PSD3: variants seen among roughly 807,000 people sequenced by gnomAD.
PSD3 encodes PH and SEC7 domain-containing protein 3.
A neutral mutation model predicts 105.5 loss-of-function variants in PSD3; 49 were observed. The observed-to-expected ratio is 0.46, with a 90% CI of 0.37 to 0.59. The LOEUF (loss-of-function observed/expected upper bound fraction) is 0.59, where lower values mean the gene tolerates loss of function less well. PSD3 is among the 20% of genes least tolerant of loss of function. The pLI is 0.00. For missense variants in PSD3, 1,561 were observed against 1,263.8 expected, an observed-to-expected ratio of 1.24 and a Z score of -3.57; for synonymous variants, 557 against 457.8, an observed-to-expected ratio of 1.22 and a Z score of -2.77.
chr8:18,666,590 C>A (rs913187073), intron 9 of PSD3, among the ~76,000 whole-genome samples: 21 of 152,204 alleles, frequency 1.4e-4, no homozygotes, highest in African/African-American at 4.6e-4. Flanking sequence ...TCAAATATCT[C>A]GTAACAGATA....
chr8:18,664,615 G>C (rs1404278491), intron 9 of PSD3, among the ~76,000 whole-genome samples: 4 of 152,194 alleles, frequency 2.6e-5, no homozygotes, highest in Non-Finnish European at 4.4e-5. Flanking sequence ...AGAAGATCCA[G>C]CTAAGATCAC....
intron 15 of PSD3, among the ~76,000 whole-genome samples, chr8:18,537,718 C>A (rs1241666597): frequency 2.0e-5 from 3 of 152,000 alleles, no homozygotes; most frequent in Admixed American, 6.6e-5. Context: ...ATTCTGTCAT[C>A]CAGGCTGGAG....
chr8:18,938,941 A>G (rs1010741642), intron 1 of PSD3, among the ~76,000 whole-genome samples: 5 of 152,234 alleles, frequency 3.3e-5, no homozygotes, highest in Non-Finnish European at 5.9e-5. Flanking sequence ...GCATGTATTG[A>G]GAATGGGGAG....
At chr8:18,869,938 T>C (rs1245024506) in intron 3 of PSD3, among the ~76,000 whole-genome samples, 1 of 152,136 alleles carries the variant, frequency 6.6e-6, no homozygotes, top group African/African-American at 2.4e-5. Context: ...TGTCAGGACA[T>C]AGGAGACAAT....
At chr8:18,696,774 G>A (rs1333221516) in intron 9 of PSD3, among the ~76,000 whole-genome samples, 1 of 152,036 alleles carries the variant, frequency 6.6e-6, no homozygotes, top group Non-Finnish European at 1.5e-5. Flanking sequence ...CCTCAAATCG[G>A]AACATCATTA....
intron 1 of PSD3, among the ~76,000 whole-genome samples, chr8:18,993,415 T>C (rs1028126077): frequency 6.7e-6 from 1 of 149,500 alleles, no homozygotes; most frequent in Non-Finnish European, 1.5e-5. Context: ...TGTTTCAGAG[T>C]ATAGTGGCAC....
At chr8:18,716,444 A>C (rs558267898) in intron 9 of PSD3, among the ~76,000 whole-genome samples, 94 of 152,308 alleles carry the variant, frequency 6.2e-4, no homozygotes, top group Admixed American at 2.2e-3. Context: ...CAATGAAAGG[A>C]AGTGTTCCAG....
intron 2 of PSD3, among the ~76,000 whole-genome samples, chr8:18,910,963 C>T (rs888198706): frequency 6.6e-5 from 10 of 151,618 alleles, no homozygotes; most frequent in African/African-American, 1.9e-4. Flanking sequence ...AATAAGTTAG[C>T]CAGGCATGGT....
intron 11 of PSD3, among the ~76,000 whole-genome samples, chr8:18,621,524 C>G (rs1435331051): frequency 6.6e-6 from 1 of 152,174 alleles, no homozygotes; most frequent in Non-Finnish European, 1.5e-5. Context: ...ATGTAAAAAC[C>G]TAGAACTTAA....
intron 4 of PSD3, among the ~76,000 whole-genome samples, chr8:18,854,845 A>G (rs1028846510): frequency 2.7e-5 from 4 of 150,840 alleles, no homozygotes; most frequent in African/African-American, 9.7e-5. Flanking sequence ...TTTCATTTCT[A>G]GTTTTGTTTT....
chr8:18,618,696 G>A (rs867735374), intron 11 of PSD3, among the ~76,000 whole-genome samples: 1 of 151,442 alleles, frequency 6.6e-6, no homozygotes, highest in Non-Finnish European at 1.5e-5. Flanking sequence ...TTTTTCTAAT[G>A]GGATATTCTT....
chr8:18,956,022 C>T (rs759624060), intron 1 of PSD3, among the ~76,000 whole-genome samples: 36 of 152,066 alleles, frequency 2.4e-4, no homozygotes, highest in Admixed American at 7.9e-4. Flanking sequence ...CCTGCCTCAG[C>T]CTCCCAAAGT....
In PSD3 at chr8:18,600,984, A is replaced by G. The variant is rs1439330974; in HGVS notation, c.2411-550T>C. Among the ~76,000 whole-genome samples the G allele has an allele frequency of 3.3e-5, 5 of 152,314 alleles. No homozygotes were observed. The East Asian group carries it at 9.6e-4, about 29-fold the overall frequency. Reference sequence around the variant, plus strand: ...CCTATTGCAACCTGTGCATATCTCTACTGAGGATCTTGCTGTAATGTACTA... The same window carrying G: ...CCTATTGCAACCTGTGCATATCTCTGCTGAGGATCTTGCTGTAATGTACTA... On this transcript the variant is annotated intron_variant, in intron 11 of 15. Transcript: ENST00000327040.
At chr8:18,855,056 G>A (rs1815899987) in intron 4 of PSD3, among the ~76,000 whole-genome samples, 1 of 152,224 alleles carries the variant, frequency 6.6e-6, no homozygotes, top group Non-Finnish European at 1.5e-5. Context: ...ATGCCAGAGT[G>A]TGTGTCAGCC....
intron 9 of PSD3, among the ~76,000 whole-genome samples, chr8:18,666,894 T>A (rs1322211501): frequency 6.6e-6 from 1 of 152,108 alleles, no homozygotes; most frequent in South Asian, 2.1e-4. Flanking sequence ...CCAGAATTGG[T>A]GGGTTCTTGG....
chr8:18,621,082 T>C (rs979766709), intron 11 of PSD3, among the ~76,000 whole-genome samples: 7 of 152,160 alleles, frequency 4.6e-5, no homozygotes, highest in Non-Finnish European at 8.8e-5. Flanking sequence ...GCTATAAGAT[T>C]GGCAGTTTAT....
chr8:18,872,635 G>A lies in PSD3; in HGVS notation c.229C>T (p.Leu77=). Residue 77 remains leucine, a synonymous_variant, in exon 3 of 16, where the codon CTG becomes TTG. Coordinates refer to ENST00000327040, the MANE Select transcript of PSD3 (RefSeq NM_015310.4). ...EEGGEGLRAS[L]EFDGEALPCH... is the part of the protein sequence containing the mutation. ...GGCAGAGCCTCACCATCAAATTCCA[G>A]AGAAGCCCTTAGGCCTTCTCCACCT... 1 of 1,613,988 alleles carries A rather than the reference G, an allele frequency of 6.2e-7. No individual in the cohort carries two copies. Among genetic ancestry groups the A allele is most frequent in the Non-Finnish European group, 8.5e-7 (1 of 1,180,002 alleles).
At chr8:18,703,891 T>C (rs868213899) in intron 9 of PSD3, among the ~76,000 whole-genome samples, 1 of 152,156 alleles carries the variant, frequency 6.6e-6, no homozygotes, top group Non-Finnish European at 1.5e-5. Context: ...TTAACCAAAG[T>C]GCTTTTAACC....
intron 1 of PSD3, among the ~76,000 whole-genome samples, chr8:18,952,258 G>T (rs1402786252): frequency 6.6e-6 from 1 of 152,096 alleles, no homozygotes; most frequent in Non-Finnish European, 1.5e-5. Flanking sequence ...GAAGATTATA[G>T]GCTTATTCTT....
Sources: allele counts gnomAD v4.1 joint callset (sites outside exome capture counted in the v4.1 genomes callset), GRCh38; gene constraint gnomAD v4.1.1; transcripts MANE v1.5; gene names NCBI Gene and HGNC (gene_info 2026-07-23, HGNC 2026-07-21).